KIAA1217: variants seen among roughly 807,000 people sequenced by gnomAD.
KIAA1217 encodes sickle tail protein homolog.
Under a neutral mutation model 163.9 loss-of-function variants are expected in KIAA1217, and 88 were observed. The ratio of observed to expected loss-of-function variants is 0.54; its 90% CI spans 0.45 to 0.64. The LOEUF (loss-of-function observed/expected upper bound fraction) is 0.64. Ranked by LOEUF, KIAA1217 falls within the 30% of genes least tolerant of loss-of-function variation. The probability of loss-of-function intolerance (pLI) is 0.00; values close to 1 mark genes in which losing one functional copy is unlikely to be tolerated. For missense variants in KIAA1217, 2,372 were observed against 2,475.0 expected, an observed-to-expected ratio of 0.96 and a Z score of 0.88; for synonymous variants, 903 against 923.1, an observed-to-expected ratio of 0.98 and a Z score of 0.39.
At chr10:24,522,256 T>C (rs1335562585) in intron 12 of KIAA1217, among the ~76,000 whole-genome samples, 1 of 152,018 alleles carries the variant, frequency 6.6e-6, no homozygotes, top group Admixed American at 6.6e-5. Flanking sequence ...CCCAGGAGTA[T>C]GAGGCTGCAG....
chr10:24,000,421 G>A (rs1209498563), intron 1 of KIAA1217, among the ~76,000 whole-genome samples: 1 of 152,176 alleles, frequency 6.6e-6, no homozygotes, highest in Non-Finnish European at 1.5e-5. Flanking sequence ...TGTGAAGAAG[G>A]ACAGGTTTGC....
chr10:23,840,224 T>C (rs1190522456), intron 1 of KIAA1217, among the ~76,000 whole-genome samples: 1 of 151,996 alleles, frequency 6.6e-6, no homozygotes, highest in East Asian at 1.9e-4. Context: ...GGTACGATCT[T>C]GGCTCACTGC....
At chr10:24,231,708 A>C (rs2071439134) in intron 2 of KIAA1217, among the ~76,000 whole-genome samples, 1 of 152,198 alleles carries the variant, frequency 6.6e-6, no homozygotes, top group African/African-American at 2.4e-5. Flanking sequence ...AGAAGAGCCT[A>C]AGATCTAAGA....
At chr10:23,827,039 A>G (rs1397990306) in intron 1 of KIAA1217, among the ~76,000 whole-genome samples, 3 of 152,202 alleles carry the variant, frequency 2.0e-5, no homozygotes, top group Non-Finnish European at 4.4e-5. Context: ...TGAGAGGTGA[A>G]GAGGGAGATC....
At chr10:23,809,701 TG>T (rs1324175578) in intron 1 of KIAA1217, among the ~76,000 whole-genome samples, 46 of 152,114 alleles carry the variant, frequency 3.0e-4, no homozygotes, top group Middle Eastern at 6.8e-3. Context: ...AAACTAACCA[TG>T]TTTCTGTAAT....
intron 1 of KIAA1217, among the ~76,000 whole-genome samples, chr10:23,712,796 C>G (rs1180784884): frequency 6.6e-6 from 1 of 151,962 alleles, no homozygotes; most frequent in South Asian, 2.1e-4. Flanking sequence ...GCTATAAATA[C>G]CAGTTAATTA....
rs185044184 is a variant in KIAA1217, at chr10:24,281,075, G to A, written c.354+61166G>A. Among the ~76,000 whole-genome samples, 450 of 152,260 alleles carry A rather than the reference G, an allele frequency of 3.0e-3. 1 individual carries two copies. Among genetic ancestry groups the A allele is most frequent in the Non-Finnish European group, 3.9e-3 (267 of 68,020 alleles). On this transcript the variant is annotated intron_variant, in intron 2 of 20. Transcript: ENST00000376454. ...ATAATGTAATTTTTAAAACTTTGAT[G>A]TGTATTTAAAATAAAGTTTTCATTT...
intron 8 of KIAA1217, among the ~76,000 whole-genome samples, chr10:24,498,759 C>T (rs996471998): frequency 1.3e-5 from 2 of 152,214 alleles, no homozygotes; most frequent in East Asian, 1.9e-4. Flanking sequence ...GGTTGAGGCT[C>T]GGGGAATTGC....
chr10:23,848,119 G>A (rs1305397720), intron 1 of KIAA1217, among the ~76,000 whole-genome samples: 2 of 152,064 alleles, frequency 1.3e-5, no homozygotes, highest in South Asian at 2.1e-4. Flanking sequence ...GCTGAGGAGT[G>A]TTTTACTTCC....
chr10:24,317,638 A>G (rs1005462899), intron 2 of KIAA1217, among the ~76,000 whole-genome samples: 8 of 152,194 alleles, frequency 5.3e-5, no homozygotes, highest in Admixed American at 6.6e-5. Flanking sequence ...ATATACATGT[A>G]TATTGGCATG....
chr10:24,196,955 T>C (rs1177100970), intron 2 of KIAA1217, among the ~76,000 whole-genome samples: 1 of 152,186 alleles, frequency 6.6e-6, no homozygotes, highest in African/African-American at 2.4e-5. Context: ...CAAATATTTC[T>C]GGAGTGCCTA....
intron 1 of KIAA1217, among the ~76,000 whole-genome samples, chr10:23,803,414 A>G (rs1836569922): frequency 6.6e-6 from 1 of 152,228 alleles, no homozygotes; most frequent in Non-Finnish European, 1.5e-5. Flanking sequence ...CGCTCAAGGC[A>G]GGGTGCCAGG....
chr10:23,839,925 T>C (rs1300280787), intron 1 of KIAA1217, among the ~76,000 whole-genome samples: 1 of 152,124 alleles, frequency 6.6e-6, no homozygotes, highest in African/African-American at 2.4e-5. Flanking sequence ...GGCATACTTT[T>C]AATTGGTGGA....
intron 1 of KIAA1217, among the ~76,000 whole-genome samples, chr10:23,741,994 C>T (rs138006861): frequency 3.0e-4 from 46 of 152,170 alleles, no homozygotes; most frequent in Admixed American, 9.2e-4. Flanking sequence ...TCTTTAAAAC[C>T]ATCACTCAAT....
At chr10:23,993,828 C>T (rs1369391921) in intron 1 of KIAA1217, among the ~76,000 whole-genome samples, 3 of 152,090 alleles carry the variant, frequency 2.0e-5, no homozygotes, top group African/African-American at 7.2e-5. Flanking sequence ...TATCCACCCA[C>T]CTCAGCCTCC....
intron 2 of KIAA1217, among the ~76,000 whole-genome samples, chr10:24,191,039 C>T (rs1441631432): frequency 6.6e-6 from 1 of 151,952 alleles, no homozygotes; most frequent in Non-Finnish European, 1.5e-5. Context: ...ATACAAAATA[C>T]AAAAATTAGC....
intron 17 of KIAA1217, among the ~76,000 whole-genome samples, chr10:24,538,734 T>TTG (rs2074499267): frequency 1.5e-5 from 2 of 131,468 alleles, no homozygotes; most frequent in African/African-American, 6.3e-5. Context: ...TGTTTTTGGT[T>TTG]TTTTTTTTTT....
intron 13 of KIAA1217, among the ~76,000 whole-genome samples, chr10:24,525,069 G>T (rs978109976): frequency 2.0e-5 from 3 of 151,462 alleles, no homozygotes; most frequent in Admixed American, 2.0e-4. Flanking sequence ...TCTGGTAGCG[G>T]TTGTGGCGGC....
chr10:24,000,374 T>C (rs185586315), intron 1 of KIAA1217, among the ~76,000 whole-genome samples: 8 of 152,264 alleles, frequency 5.3e-5, no homozygotes, highest in Non-Finnish European at 8.8e-5. Flanking sequence ...AAGGGGTTTT[T>C]CCCCATTTTG....
Sources: allele counts gnomAD v4.1 joint callset (sites outside exome capture counted in the v4.1 genomes callset), GRCh38; gene constraint gnomAD v4.1.1; transcripts MANE v1.5; gene names NCBI Gene and HGNC (gene_info 2026-07-23, HGNC 2026-07-21).